The following C8orf34 variants were observed in gnomAD, a reference collection of about 807,000 sequenced individuals.
C8orf34 encodes the protein chromosome 8 open reading frame 34, also known as uncharacterized protein C8orf34.
Under a neutral mutation model 68.3 loss-of-function variants are expected in C8orf34, and 65 were observed. The observed-to-expected ratio is 0.95, with a 90% CI of 0.78 to 1.17. The LOEUF is 1.17. Among genes scored for constraint, C8orf34 ranks in the 50% most tolerant of loss-of-function variants. The pLI, the probability that C8orf34 is intolerant of heterozygous loss-of-function variation, is 0.00. For missense variants in C8orf34, 664 were observed against 655.4 expected, an observed-to-expected ratio of 1.01 and a Z score of -0.14; for synonymous variants, 244 against 241.2, an observed-to-expected ratio of 1.01 and a Z score of -0.11.
intron 7 of C8orf34, among the ~76,000 whole-genome samples, chr8:68,568,534 G>T (rs561906816): frequency 2.0e-5 from 3 of 152,024 alleles, no homozygotes; most frequent in East Asian, 1.9e-4. Flanking sequence ...CTTGCTGGAT[G>T]CAGGGCTGCC....
rs190823422 is a variant in C8orf34, at chr8:68,441,574, C to G, written c.475+1928C>G. ...AGTGCAGTGGCATGATCATAGTTCA[C>G]TATAACCGTGAACTCCTGAGCTCAA... On this transcript the variant is annotated intron_variant, in intron 2 of 13. Transcript: ENST00000518698. 1.2e-3 allele frequency among the ~76,000 whole-genome samples: 189 copies of G among 152,206 alleles called. 1 individual carries two copies. Among genetic ancestry groups the G allele is most frequent in the Non-Finnish European group, 1.9e-3 (131 of 68,024 alleles).
intron 7 of C8orf34, among the ~76,000 whole-genome samples, chr8:68,616,448 C>T (rs1267880326): frequency 6.6e-6 from 1 of 152,162 alleles, no homozygotes; most frequent in Non-Finnish European, 1.5e-5. Flanking sequence ...TTTCCCTATA[C>T]ACACTGCTTT....
intron 3 of C8orf34, among the ~76,000 whole-genome samples, chr8:68,451,494 A>G (rs1416606749): frequency 3.9e-5 from 6 of 152,022 alleles, no homozygotes; most frequent in Admixed American, 6.6e-5. Flanking sequence ...TCTTCCTTTC[A>G]CTTGAACACT....
chr8:68,743,554 G>C (rs1280416116), intron 10 of C8orf34, among the ~76,000 whole-genome samples: 1 of 152,206 alleles, frequency 6.6e-6, no homozygotes, highest in African/African-American at 2.4e-5. Flanking sequence ...ACCAGGGCGA[G>C]GCATTGCCTC....
chr8:68,795,303 A>C (rs1048763790), intron 12 of C8orf34, among the ~76,000 whole-genome samples: 1 of 146,742 alleles, frequency 6.8e-6, no homozygotes, highest in African/African-American at 2.5e-5. Context: ...GGACTTCCTC[A>C]TGGACAGTTT....
intron 9 of C8orf34, among the ~76,000 whole-genome samples, chr8:68,714,957 C>A (rs1351107106): frequency 6.6e-6 from 1 of 152,038 alleles, no homozygotes; most frequent in Non-Finnish European, 1.5e-5. Context: ...ATAGAGAACC[C>A]AGAAATAAAC....
intron 5 of C8orf34, among the ~76,000 whole-genome samples, chr8:68,514,911 T>C (rs572230649): frequency 2.1e-4 from 32 of 152,234 alleles, no homozygotes; most frequent in African/African-American, 7.5e-4. Context: ...TGCAATTTTA[T>C]AGTAGGAGAT....
At chr8:68,414,393 G>C (rs1389997000) in intron 1 of C8orf34, among the ~76,000 whole-genome samples, 2 of 152,328 alleles carry the variant, frequency 1.3e-5, no homozygotes, top group East Asian at 1.9e-4. Flanking sequence ...TTTGCTATCT[G>C]TAGAGTGTAC....
chr8:68,729,272 G>A (rs955295113), intron 10 of C8orf34, among the ~76,000 whole-genome samples: 2 of 152,192 alleles, frequency 1.3e-5, no homozygotes, highest in African/African-American at 4.8e-5. Context: ...TTCACTGACT[G>A]AATGTTAATT....
intron 1 of C8orf34, among the ~76,000 whole-genome samples, chr8:68,430,187 T>A (rs945018532): frequency 1.1e-4 from 16 of 151,794 alleles, no homozygotes; most frequent in Admixed American, 6.6e-4. Flanking sequence ...ATAAAAAAAT[T>A]AAAAAAAACC....
At chr8:68,417,216 G>A (rs1183345884) in intron 1 of C8orf34, among the ~76,000 whole-genome samples, 1 of 151,868 alleles carries the variant, frequency 6.6e-6, no homozygotes, top group Non-Finnish European at 1.5e-5. Context: ...GCATTTTTAG[G>A]TTTCTAAAAA....
intron 1 of C8orf34, among the ~76,000 whole-genome samples, chr8:68,385,246 CAG>C (rs1337084572): frequency 1.3e-5 from 2 of 152,090 alleles, no homozygotes; most frequent in Non-Finnish European, 2.9e-5. Context: ...CATGGAGGCA[CAG>C]AGAGGTTAAG....
At chr8:68,502,644 T>C (rs1219850878) in intron 5 of C8orf34, among the ~76,000 whole-genome samples, 1 of 152,188 alleles carries the variant, frequency 6.6e-6, no homozygotes, top group Non-Finnish European at 1.5e-5. Context: ...GCTTTTCCTA[T>C]ACAAATTACA....
intron 8 of C8orf34, among the ~76,000 whole-genome samples, chr8:68,653,262 G>T (rs921969825): frequency 2.0e-5 from 3 of 152,088 alleles, no homozygotes; most frequent in Non-Finnish European, 4.4e-5. Flanking sequence ...TTTGTTTTTA[G>T]ATTACATTGA....
chr8:68,333,124 T>G (rs940165650), intron 1 of C8orf34, among the ~76,000 whole-genome samples: 3 of 152,150 alleles, frequency 2.0e-5, no homozygotes, highest in Non-Finnish European at 4.4e-5. Context: ...CCCCAAGATT[T>G]TAATAATAAT....
chr8:68,439,747 C>T (rs2591004), intron 2 of C8orf34, 101 bp downstream of exon 2: 577,358 of 1,174,376 alleles, frequency 0.49, 146,130 homozygotes, highest in South Asian at 0.53. Flanking sequence ...TAGATAGTTA[C>T]CAAAGGTTTC....
intron 1 of C8orf34, among the ~76,000 whole-genome samples, chr8:68,419,925 A>G (rs1563422979): frequency 6.6e-6 from 1 of 150,422 alleles, no homozygotes; most frequent in Non-Finnish European, 1.5e-5. Flanking sequence ...ACATGTATAC[A>G]TATGTAACTA....
chr8:68,763,060 A>G (rs1277954365), intron 10 of C8orf34, among the ~76,000 whole-genome samples: 1 of 152,206 alleles, frequency 6.6e-6, no homozygotes, highest in East Asian at 1.9e-4. Flanking sequence ...TGTCCTAGGC[A>G]TCAGTGAAAC....
intron 3 of C8orf34, among the ~76,000 whole-genome samples, chr8:68,455,626 G>A (rs1368224379): frequency 1.3e-5 from 2 of 151,646 alleles, no homozygotes; most frequent in African/African-American, 4.8e-5. Flanking sequence ...TTTCTCTTCT[G>A]TTCTTTTAGT....
Sources: allele counts gnomAD v4.1 joint callset (sites outside exome capture counted in the v4.1 genomes callset), GRCh38; gene constraint gnomAD v4.1.1; transcripts MANE v1.5; gene names NCBI Gene and HGNC (gene_info 2026-07-23, HGNC 2026-07-21).